The following WDR25 variants were observed in gnomAD, a reference collection of about 807,000 sequenced individuals.
WDR25 encodes WD repeat-containing protein 25.
Under a neutral mutation model 47.7 loss-of-function variants are expected in WDR25, and 35 were observed. The observed-to-expected ratio is 0.73, with a 90% CI of 0.56 to 0.97. The LOEUF (loss-of-function observed/expected upper bound fraction) is 0.97, where lower values mean the gene tolerates loss of function less well. WDR25 is among the 50% of genes least tolerant of loss of function. The pLI, the probability that WDR25 is intolerant of heterozygous loss-of-function variation, is 0.00. For synonymous variants in WDR25, 248 were observed against 278.9 expected, an observed-to-expected ratio of 0.89 and a Z score of 1.10; for missense variants, 634 against 704.7, an observed-to-expected ratio of 0.90 and a Z score of 1.14.
chr14:100,408,155 G>A (rs2140184471), intron 2 of WDR25, among the ~76,000 whole-genome samples: 1 of 152,232 alleles, frequency 6.6e-6, no homozygotes, highest in South Asian at 2.1e-4. Context: ...CGTGCGTGAA[G>A]CGGTGTGTAA....
At chr14:100,403,674 T>C (rs1016251342) in intron 2 of WDR25, among the ~76,000 whole-genome samples, 4 of 152,180 alleles carry the variant, frequency 2.6e-5, no homozygotes, top group Non-Finnish European at 5.9e-5. Context: ...TAATGTAAAA[T>C]CAGTGTGGAG....
chr14:100,388,766 T>C (rs1471068300), intron 2 of WDR25, among the ~76,000 whole-genome samples: 1 of 152,232 alleles, frequency 6.6e-6, no homozygotes, highest in African/African-American at 2.4e-5. Context: ...ACCCAAGCTG[T>C]GTTTTCTGCT....
At chr14:100,479,857 C>T (rs1411950456) in intron 3 of WDR25, among the ~76,000 whole-genome samples, 2 of 152,122 alleles carry the variant, frequency 1.3e-5, no homozygotes, top group Non-Finnish European at 2.9e-5. Context: ...GATTCTCATA[C>T]GAACGGAGCC....
chr14:100,405,236 A>G (rs558054509), intron 2 of WDR25, among the ~76,000 whole-genome samples: 146 of 149,538 alleles, frequency 9.8e-4, no homozygotes, highest in Admixed American at 3.4e-3. Context: ...ATCTCAGCTC[A>G]CCGCAGCCTC....
At chr14:100,484,249 T>A in intron 4 of WDR25, 125 bp downstream of exon 4, 2 of 1,105,018 alleles carry the variant, frequency 1.8e-6, no homozygotes, top group Non-Finnish European at 2.5e-6. Context: ...ACTTAATATT[T>A]AATCAGTGCT....
chr14:100,463,154 A>G (rs1000052219), intron 2 of WDR25, among the ~76,000 whole-genome samples: 9 of 133,946 alleles, frequency 6.7e-5, no homozygotes, highest in Non-Finnish European at 1.3e-4. Context: ...CCTCTCCCCA[A>G]TTCCTCCATC....
At chr14:100,423,171 T>A (rs1898075180) in intron 2 of WDR25, among the ~76,000 whole-genome samples, 1 of 152,230 alleles carries the variant, frequency 6.6e-6, no homozygotes, top group South Asian at 2.1e-4. Flanking sequence ...ACAATAATAG[T>A]AATAAGAAAT....
In WDR25 at chr14:100,408,399, A is replaced by G. The variant is rs959995816; in HGVS notation, c.822+26653A>G. The stretch of plus-strand genomic sequence containing the variant: ...CTTAATTTACATATATTGAGTTTCA[A>G]TATTGCACAACTCTGTGTGGAGGGG... On this transcript the variant is annotated intron_variant, in intron 2 of 6. Transcript: ENST00000402312. Among the ~76,000 whole-genome samples, 10 of 152,194 alleles carry G rather than the reference A, an allele frequency of 6.6e-5. No individual in the cohort carries two copies. In the East Asian group the frequency reaches 1.3e-3, roughly 21 times the overall value.
rs1900956893 is a variant in WDR25, at chr14:100,502,446, GGCCTTCCTGCTGCGAGTAGTCAGCTCCCT to G, written c.1101+18323_1101+18351del. Among the ~76,000 whole-genome samples, 1 of 152,238 alleles carries G rather than the reference GGCCTTCCTGCTGCGAGTAGTCAGCTCCCT, an allele frequency of 6.6e-6. No individual in the cohort carries two copies. The highest frequency in any genetic ancestry group is 1.5e-5 in the Non-Finnish European group (1 of 68,040). On this transcript the variant is annotated intron_variant, in intron 4 of 6. Coordinates refer to ENST00000402312, the MANE Select transcript of WDR25 (RefSeq NM_001161476.3). The surrounding 1 kb of genome is among the most constrained non-coding windows in gnomAD (Gnocchi z 4.5). ...TGTTAGCTGGGAATGGCTCTGACGAGGCCTTCCTGCTGCGAGTAGTCAGCTCCCTCTCCTGGAGCTGGGGGAGCTGGGGG... is the reference window on the plus strand; with the variant it reads ...TGTTAGCTGGGAATGGCTCTGACGAGCTCCTGGAGCTGGGGGAGCTGGGGG...
rs1052851880 is a variant in WDR25 at position 100,502,699 on chromosome 14, T to C, written c.1101+18575T>C. Among the ~76,000 whole-genome samples the C allele has an allele frequency of 6.6e-6, 1 of 152,056 alleles. No homozygotes were observed. The highest frequency in any genetic ancestry group is 1.5e-5 in the Non-Finnish European group (1 of 68,016). On this transcript the variant is annotated intron_variant, in intron 4 of 6. Transcript: ENST00000402312. This position sits in a 1 kb window ranked among gnomAD's most constrained non-coding sequence, Gnocchi z 4.5. ...AGGGGAGGAGTCAGTCTCCACAGAG[T>C]ACATCGTGATGGGAACTGCTTGGGG...
Position 100,499,333 on chromosome 14 carries a change from A to G in WDR25, c.1101+15209A>G, listed in dbSNP as rs576943780. ...TAATTACTCAATATATTATACCAAG[A>G]TGTATTTAACCAGCCCTCTATTGTT... is the stretch of plus-strand genomic sequence containing the variant. On this transcript the variant is annotated intron_variant, in intron 4 of 6. Transcript: ENST00000402312. The surrounding 1 kb of genome is among the most constrained non-coding windows in gnomAD (Gnocchi z 4.4). Among the ~76,000 whole-genome samples, 1 of 152,308 alleles carries G rather than the reference A, an allele frequency of 6.6e-6. No homozygotes were observed. Among genetic ancestry groups the G allele is most frequent in the Non-Finnish European group, 1.5e-5 (1 of 68,030 alleles).
At chr14:100,471,704 G>C (rs1258091618) in intron 3 of WDR25, among the ~76,000 whole-genome samples, 2 of 152,172 alleles carry the variant, frequency 1.3e-5, no homozygotes, top group African/African-American at 2.4e-5. Context: ...ATTTATCCTG[G>C]TGTCCTCAAT....
intron 2 of WDR25, among the ~76,000 whole-genome samples, chr14:100,399,391 AT>A (rs1373872553): frequency 6.7e-6 from 1 of 149,480 alleles, no homozygotes; most frequent in Non-Finnish European, 1.5e-5. Context: ...CTTCTCTTGC[AT>A]TTCCCCCCTT....
intron 3 of WDR25, among the ~76,000 whole-genome samples, chr14:100,474,989 A>C (rs939136309): frequency 1.3e-5 from 2 of 152,248 alleles, no homozygotes; most frequent in Non-Finnish European, 2.9e-5. Flanking sequence ...GGATCTGAAC[A>C]GACTTTTCTC....
At chr14:100,462,605 C>A (rs1189197209) in intron 2 of WDR25, among the ~76,000 whole-genome samples, 1 of 152,212 alleles carries the variant, frequency 6.6e-6, no homozygotes, top group Non-Finnish European at 1.5e-5. Context: ...GGGAGCTTGT[C>A]AGACGATTTA....
Position 100,529,475 on chromosome 14 carries a change from A to T in WDR25, c.1413+267A>T, listed in dbSNP as rs141929922. 2.6e-3 allele frequency: 1,558 copies of T among 599,952 alleles called. 7 individuals are homozygous for T. Among genetic ancestry groups the T allele is most frequent in the Middle Eastern group, 7.9e-3 (25 of 3,168 alleles). 37.2% of individuals were successfully genotyped at this position (599,952 alleles called of 1,614,324 possible). A position where few individuals can be genotyped will look rare whatever the true frequency, so the allele number is the denominator to read the frequency against. On this transcript the variant is annotated intron_variant, in intron 6 of 6. Transcript: ENST00000402312. This position sits in a 1 kb window ranked among gnomAD's most constrained non-coding sequence, Gnocchi z 5.1. ...AGAAGTGGGGGGCAGGAACAGGACA[A>T]AATGGTCATGGGTGTCATTTCTGCA...
At chr14:100,415,206 A>G (rs1897836095) in intron 2 of WDR25, among the ~76,000 whole-genome samples, 1 of 152,192 alleles carries the variant, frequency 6.6e-6, no homozygotes, top group Non-Finnish European at 1.5e-5. Context: ...AAGACCCAGG[A>G]AGCTTTGAGC....
Position 100,381,560 on chromosome 14 carries a change from C to CCGGGA in WDR25, c.636_637insCGGGA (p.Val213ArgfsTer15). 1 of 1,609,748 alleles carries CCGGGA rather than the reference C, an allele frequency of 6.2e-7. No homozygotes were observed. Among genetic ancestry groups the CCGGGA allele is most frequent in the Non-Finnish European group, 8.5e-7 (1 of 1,177,050 alleles). On this transcript the variant is annotated frameshift_variant, in exon 2 of 7. Coordinates refer to ENST00000402312, the MANE Select transcript of WDR25 (RefSeq NM_001161476.3). LOFTEE classifies it high-confidence loss of function. ...CAGGGCGTGCCCCAGCCCCTCTCTA[C>CCGGGA]GTGGGCCCGGGAGTGTCTGAGTTTA...
chr14:100,428,381 G>T lies in WDR25; in HGVS notation c.823-39640G>T, dbSNP rs927085115. On this transcript the variant is annotated intron_variant, in intron 2 of 6. Transcript: ENST00000402312. This position sits in a 1 kb window ranked among gnomAD's most constrained non-coding sequence, Gnocchi z 4.3. ...GCCTGGTCAGAGCATGGCGTCTGGAGTCAGGCGGCCTGGCTACGGGTCTTG... is the reference window on the plus strand; with the variant it reads ...GCCTGGTCAGAGCATGGCGTCTGGATTCAGGCGGCCTGGCTACGGGTCTTG... Among the ~76,000 whole-genome samples the T allele has an allele frequency of 6.6e-6, 1 of 152,202 alleles. No homozygotes were observed. Among genetic ancestry groups the T allele is most frequent in the African/African-American group, 2.4e-5 (1 of 41,454 alleles).
Sources: allele counts gnomAD v4.1 joint callset (sites outside exome capture counted in the v4.1 genomes callset), GRCh38; gene constraint gnomAD v4.1.1; non-coding constraint Gnocchi (gnomAD v3.1); transcripts MANE v1.5; gene names NCBI Gene and HGNC (gene_info 2026-07-23, HGNC 2026-07-21).